Variants in DYM observed in about 807,000 individuals in gnomAD.
DYM encodes dymeclin, also known as dyggve-Melchior-Clausen syndrome protein.
Under a neutral mutation model 93.1 loss-of-function variants are expected in DYM, and 78 were observed. The observed-to-expected ratio is 0.84, with a 90% CI of 0.70 to 1.01. DYM has a LOEUF of 1.01. DYM is among the 50% of genes least tolerant of loss of function. DYM has a pLI of 0.00. For missense variants in DYM, 789 were observed against 845.0 expected, an observed-to-expected ratio of 0.93 and a Z score of 0.82; for synonymous variants, 321 against 319.7, an observed-to-expected ratio of 1.00 and a Z score of -0.04.
At chr18:49,270,696 T>C (rs780645246) in intron 11 of DYM, among the ~76,000 whole-genome samples, 1 of 152,164 alleles carries the variant, frequency 6.6e-6, no homozygotes, top group Non-Finnish European at 1.5e-5. Flanking sequence ...ATAACTTAAA[T>C]ATACACACAA....
At chr18:49,129,447 A>C (rs2083171841) in intron 15 of DYM, among the ~76,000 whole-genome samples, 1 of 152,364 alleles carries the variant, frequency 6.6e-6, no homozygotes, top group South Asian at 2.1e-4. Flanking sequence ...AATTCCAAAG[A>C]GGGTCAAGTA....
chr18:49,434,788 A>G (rs527353632), intron 1 of DYM, among the ~76,000 whole-genome samples: 37 of 152,168 alleles, frequency 2.4e-4, no homozygotes, highest in African/African-American at 8.7e-4. Context: ...CAATATAGCA[A>G]TACCCTGTCT....
intron 17 of DYM, among the ~76,000 whole-genome samples, chr18:49,080,835 G>C (rs1354326975): frequency 1.3e-5 from 2 of 151,058 alleles, no homozygotes; most frequent in African/African-American, 4.9e-5. Flanking sequence ...GGGGCGGCTG[G>C]GCAGAGACGC....
intron 17 of DYM, among the ~76,000 whole-genome samples, chr18:49,091,529 C>T (rs1338581893): frequency 6.6e-6 from 1 of 152,032 alleles, no homozygotes; most frequent in Admixed American, 6.5e-5. Context: ...GTGTTTGGAG[C>T]AATTACCTAG....
At position 49,417,020 on chromosome 18, in the gene DYM, A is replaced by G. The variant is rs182676156; in HGVS notation, c.140+13235T>C. On this transcript the variant is annotated intron_variant, in intron 2 of 17. Transcript: ENST00000675505. ...TTGGGAAGCAATTTCTACATTCCCA[A>G]CCTATTACACTTGATTCCCATTCCT... 1.2e-3 allele frequency among the ~76,000 whole-genome samples: 177 copies of G among 152,228 alleles called. 2 individuals carry two copies. The highest frequency in any genetic ancestry group is 4.1e-3 in the African/African-American group (172 of 41,526).
chr18:49,256,218 A>G (rs2094391901), intron 13 of DYM, among the ~76,000 whole-genome samples: 1 of 152,116 alleles, frequency 6.6e-6, no homozygotes, highest in African/African-American at 2.4e-5. Context: ...GTTACCTTAC[A>G]TGGCAAAAGC....
intron 4 of DYM, 68 bp from the exon 5 acceptor site, chr18:49,378,768 T>C: frequency 6.5e-7 from 1 of 1,550,366 alleles, no homozygotes; most frequent in Non-Finnish European, 8.9e-7. Flanking sequence ...TTCTAGTTCA[T>C]GATTTCTTCC....
chr18:49,271,163 T>C (rs1396946102), intron 11 of DYM, among the ~76,000 whole-genome samples: 2 of 152,156 alleles, frequency 1.3e-5, no homozygotes, highest in African/African-American at 2.4e-5. Context: ...TTTGAATATA[T>C]TTTGAGCAAA....
intron 1 of DYM, among the ~76,000 whole-genome samples, chr18:49,434,603 T>C (rs2080654741): frequency 6.6e-6 from 1 of 152,100 alleles, no homozygotes; most frequent in African/African-American, 2.4e-5. Context: ...TAGAGCAGTT[T>C]TTTATATTAA....
chr18:49,100,085 A>AT (rs1313863567), intron 16 of DYM, among the ~76,000 whole-genome samples: 1 of 152,172 alleles, frequency 6.6e-6, no homozygotes, highest in Non-Finnish European at 1.5e-5. Context: ...AGGAACTCCT[A>AT]TCTCCTCCCT....
At chr18:49,147,670 A>G (rs1452303991) in intron 15 of DYM, among the ~76,000 whole-genome samples, 118 of 151,906 alleles carry the variant, frequency 7.8e-4, no homozygotes, top group Non-Finnish European at 1.5e-3. Context: ...TTAGAATGGC[A>G]ATCATTAAAA....
chr18:49,241,938 G>A (rs560615447), intron 13 of DYM, among the ~76,000 whole-genome samples: 7 of 152,238 alleles, frequency 4.6e-5, no homozygotes, highest in African/African-American at 1.2e-4. Flanking sequence ...CAGTTTCTAC[G>A]ATAAGTCACC....
intron 17 of DYM, among the ~76,000 whole-genome samples, chr18:49,046,267 T>C (rs1240108784): frequency 1.2e-5 from 1 of 81,360 alleles, no homozygotes; most frequent in East Asian, 2.7e-4. Context: ...CCACAACATA[T>C]ACACAGACAC....
intron 11 of DYM, among the ~76,000 whole-genome samples, chr18:49,266,400 G>A (rs2094571115): frequency 1.3e-5 from 2 of 152,164 alleles, no homozygotes; most frequent in African/African-American, 4.8e-5. Context: ...CAAATCATTT[G>A]AGACCAGGAG....
chr18:49,276,849 A>G (rs1217207195), intron 10 of DYM, among the ~76,000 whole-genome samples: 1 of 152,196 alleles, frequency 6.6e-6, no homozygotes, highest in Non-Finnish European at 1.5e-5. Flanking sequence ...AAGAATAGCA[A>G]GTCAGAAAGC....
intron 14 of DYM, among the ~76,000 whole-genome samples, chr18:49,172,434 T>C (rs758022709): frequency 2.0e-5 from 3 of 152,232 alleles, no homozygotes; most frequent in Non-Finnish European, 4.4e-5. Flanking sequence ...ACATTCTTGC[T>C]AACACTTGGC....
In DYM at chr18:49,044,048, C is replaced by G. The variant is rs1246557627; in HGVS notation, c.*7G>C. The G allele has an allele frequency of 6.2e-7, 1 of 1,612,944 alleles. No homozygotes were observed. The highest frequency in any genetic ancestry group is 8.5e-7 in the Non-Finnish European group (1 of 1,179,992). ...TGGAGGGGTCCGGGTGGGAGAGCAT[C>G]CTGCCCTCAGTCGGAATCCATGGTG... On this transcript the variant is annotated 3_prime_UTR_variant, in exon 18 of 18. Coordinates refer to ENST00000675505, the MANE Select transcript of DYM (RefSeq NM_001353214.3).
chr18:49,384,615 A>G (rs2068398122), intron 3 of DYM, among the ~76,000 whole-genome samples: 1 of 89,844 alleles, frequency 1.1e-5, no homozygotes, highest in African/African-American at 4.3e-5. Context: ...ACACAGCAAC[A>G]CTCCATCTCA....
intron 6 of DYM, among the ~76,000 whole-genome samples, chr18:49,338,369 A>T (rs1328591845): frequency 2.0e-5 from 3 of 152,274 alleles, no homozygotes; most frequent in Non-Finnish European, 4.4e-5. Flanking sequence ...CAGAAAGTCA[A>T]CGAATCACAA....
Sources: allele counts gnomAD v4.1 joint callset (sites outside exome capture counted in the v4.1 genomes callset), GRCh38; gene constraint gnomAD v4.1.1; transcripts MANE v1.5; gene names NCBI Gene and HGNC (gene_info 2026-07-23, HGNC 2026-07-21).